PRKN: variants seen among roughly 807,000 people sequenced by gnomAD.
PRKN encodes E3 ubiquitin-protein ligase parkin.
Under a neutral mutation model 59.5 loss-of-function variants are expected in PRKN, and 56 were observed. That is an observed-to-expected ratio of 0.94 (90% CI 0.76 to 1.18). The LOEUF is 1.18. PRKN is among the 50% of genes most tolerant of loss of function. The probability of loss-of-function intolerance (pLI) is 0.00; values close to 1 mark genes in which losing one functional copy is unlikely to be tolerated. For synonymous variants in PRKN, 250 were observed against 222.1 expected (o/e 1.13, Z -1.12); for missense variants, 657 against 596.4 (o/e 1.10, Z -1.06).
chr6:161,482,596 T>C (rs186446880), intron 9 of PRKN, among the ~76,000 whole-genome samples: 6 of 152,326 alleles, frequency 3.9e-5, no homozygotes, highest in Admixed American at 3.9e-4. Flanking sequence ...GGGAACAAAG[T>C]ACAATGCACA....
intron 7 of PRKN, among the ~76,000 whole-genome samples, chr6:161,600,064 C>A (rs73019448): frequency 2.0e-3 from 309 of 152,228 alleles, no homozygotes; most frequent in South Asian, 3.9e-3. Flanking sequence ...GATATAATTT[C>A]TTTTTATTGT....
At chr6:162,276,314 T>C (rs1780635967) in intron 2 of PRKN, among the ~76,000 whole-genome samples, 3 of 152,164 alleles carry the variant, frequency 2.0e-5, no homozygotes, top group Admixed American at 2.0e-4. Context: ...ATATACACAA[T>C]GTGAATGATA....
intron 1 of PRKN, among the ~76,000 whole-genome samples, chr6:162,656,497 C>A (rs117441048): frequency 0.012 from 1,848 of 152,264 alleles, 39 homozygotes; most frequent in Non-Finnish European, 0.012. Context: ...ATACTTGAAC[C>A]TCTCTTTCAC....
chr6:162,715,483 A>G (rs1778688540), intron 1 of PRKN, among the ~76,000 whole-genome samples: 1 of 152,232 alleles, frequency 6.6e-6, no homozygotes, highest in Non-Finnish European at 1.5e-5. Flanking sequence ...TGATTATATT[A>G]AAGTACAGCT....
intron 7 of PRKN, among the ~76,000 whole-genome samples, chr6:161,613,162 A>T (rs764131257): frequency 1.3e-5 from 2 of 152,204 alleles, no homozygotes; most frequent in Non-Finnish European, 2.9e-5. Flanking sequence ...AAATATCAAC[A>T]TAACAGGAGT....
intron 1 of PRKN, among the ~76,000 whole-genome samples, chr6:162,448,497 T>C (rs763899734): frequency 5.3e-5 from 8 of 152,156 alleles, no homozygotes; most frequent in Non-Finnish European, 1.2e-4. Context: ...TTTCAGTTCT[T>C]ATCAGGTTGA....
chr6:161,726,770 G>T (rs1297093213), intron 7 of PRKN, among the ~76,000 whole-genome samples: 1 of 152,194 alleles, frequency 6.6e-6, no homozygotes, highest in Admixed American at 6.5e-5. Flanking sequence ...GTCAGATAGA[G>T]AGATGCCCTA....
chr6:162,023,850 C>G (rs780791711), intron 5 of PRKN, among the ~76,000 whole-genome samples: 2 of 152,250 alleles, frequency 1.3e-5, no homozygotes, highest in East Asian at 3.9e-4. Flanking sequence ...ATACTCTTCC[C>G]TTTCCAGTAC....
rs1006409300 is a variant in PRKN at position 161,461,698 on chromosome 6, C to T, written c.1084-74821G>A. Among the ~76,000 whole-genome samples, 7 of 152,050 alleles carry T rather than the reference C, an allele frequency of 4.6e-5. No individual in the cohort carries two copies. The highest frequency in any genetic ancestry group is 1.3e-4 in the Admixed American group (2 of 15,266). On this transcript the variant is annotated intron_variant, in intron 9 of 11. Coordinates refer to ENST00000366898, the MANE Select transcript of PRKN (RefSeq NM_004562.3). The surrounding 1 kb of genome is among the most constrained non-coding windows in gnomAD (Gnocchi z 5.1). ...GGTAAGAAGAGACAGGACAGGGTTG[C>T]ATGTGGGTGAGGGAAGAGGTGGAAA...
chr6:162,490,037 G>C (rs1022740885), intron 1 of PRKN, among the ~76,000 whole-genome samples: 5 of 152,188 alleles, frequency 3.3e-5, no homozygotes, highest in Non-Finnish European at 4.4e-5. Flanking sequence ...CCATTGTAGA[G>C]ATGGGATGTC....
At chr6:162,116,226 T>G (rs932277947) in intron 4 of PRKN, among the ~76,000 whole-genome samples, 1 of 152,218 alleles carries the variant, frequency 6.6e-6, no homozygotes, top group Non-Finnish European at 1.5e-5. Context: ...AAAATTTGAT[T>G]AATAAACTGC....
intron 5 of PRKN, among the ~76,000 whole-genome samples, chr6:162,032,706 G>A (rs897647635): frequency 7.2e-5 from 11 of 152,178 alleles, no homozygotes; most frequent in Admixed American, 7.2e-4. Context: ...ACTGCTCTTG[G>A]CTCCTTTTTC....
intron 6 of PRKN, among the ~76,000 whole-genome samples, chr6:161,859,751 T>C (rs1793814986): frequency 6.6e-6 from 1 of 152,318 alleles, no homozygotes; most frequent in South Asian, 2.1e-4. Flanking sequence ...TTCCGTCTTC[T>C]TGCATGTCTA....
At chr6:161,411,108 G>C (rs1357258366) in intron 9 of PRKN, among the ~76,000 whole-genome samples, 1 of 152,144 alleles carries the variant, frequency 6.6e-6, no homozygotes, top group East Asian at 1.9e-4. Flanking sequence ...TTCACTGTGA[G>C]GCAGGATTTA....
intron 3 of PRKN, among the ~76,000 whole-genome samples, chr6:162,212,627 A>G (rs1166373618): frequency 6.6e-6 from 1 of 152,210 alleles, no homozygotes; most frequent in African/African-American, 2.4e-5. Context: ...AAATCTAAAC[A>G]TGCTTATATA....
chr6:161,790,600 C>T (rs1053510870), intron 6 of PRKN, among the ~76,000 whole-genome samples: 5 of 152,130 alleles, frequency 3.3e-5, no homozygotes, highest in Non-Finnish European at 7.3e-5. Context: ...CTCCCACACA[C>T]GTTCCACCAT....
At chr6:161,804,657 C>T (rs1791233042) in intron 6 of PRKN, among the ~76,000 whole-genome samples, 1 of 152,326 alleles carries the variant, frequency 6.6e-6, no homozygotes, top group Admixed American at 6.5e-5. Context: ...TTTAATAACA[C>T]TTAGCTATAT....
At chr6:162,353,681 T>A (rs1784718985) in intron 2 of PRKN, among the ~76,000 whole-genome samples, 1 of 152,076 alleles carries the variant, frequency 6.6e-6, no homozygotes. Flanking sequence ...GAAAGTGGCA[T>A]GATATAATAG....
At chr6:162,659,420 T>C (rs182054547) in intron 1 of PRKN, among the ~76,000 whole-genome samples, 151 of 152,254 alleles carry the variant, frequency 9.9e-4, no homozygotes, top group Middle Eastern at 3.4e-3. Context: ...ACATAAGTAA[T>C]GTACCACTAT....
Sources: gnomAD v4.1 joint callset for allele counts (sites outside exome capture counted in the v4.1 genomes callset) on GRCh38, gnomAD v4.1.1 for gene constraint, Gnocchi (gnomAD v3.1) non-coding constraint, MANE v1.5 for transcripts, NCBI Gene and HGNC (gene_info 2026-07-23, HGNC 2026-07-21) for gene names.